CCDC28A: variants seen among roughly 807,000 people sequenced by gnomAD.
CCDC28A encodes coiled-coil domain containing 28A, also known as coiled-coil domain-containing protein 28A.
Under a neutral mutation model 22.1 loss-of-function variants are expected in CCDC28A, and 24 were observed. That is an observed-to-expected ratio of 1.09 (90% confidence interval 0.79 to 1.53). CCDC28A has a LOEUF of 1.53. Among genes scored for constraint, CCDC28A ranks in the 40% most tolerant of loss-of-function variants. CCDC28A has a pLI of 0.00. For synonymous variants in CCDC28A, 83 were observed against 74.7 expected (o/e 1.11, Z -0.57); for missense variants, 170 against 210.7 (o/e 0.81, Z 1.20).
At chr6:138,780,815 G>C (rs533244409) in intron 3 of CCDC28A, among the ~76,000 whole-genome samples, 1 of 152,108 alleles carries the variant, frequency 6.6e-6, no homozygotes, top group Admixed American at 6.5e-5. Flanking sequence ...CTTGTGATCT[G>C]CCCGCCTCGG....
At chr6:138,774,597 G>A (rs1337088697) in intron 1 of CCDC28A, among the ~76,000 whole-genome samples, 3 of 152,232 alleles carry the variant, frequency 2.0e-5, no homozygotes, top group African/African-American at 7.2e-5. Context: ...TTCTTTGGCA[G>A]TATTGTAGCT....
intron 1 of CCDC28A, among the ~76,000 whole-genome samples, chr6:138,775,730 C>G (rs1057294194): frequency 1.3e-5 from 2 of 152,140 alleles, no homozygotes; most frequent in African/African-American, 4.8e-5. Flanking sequence ...ATATGTTGTT[C>G]CCCTTGTAAA....
In CCDC28A at chr6:138,776,181, G is replaced by A. The variant is rs748870360; in HGVS notation, c.61G>A (p.Val21Ile). ...GTCTTTTAGTGCCCACTGTACTCAG[G>A]TTGTCAATGCCAAAAAAAATGCCAT... ...PKSFSAHCTQ[V>I]VNAKKNAIPV... The change falls in exon 2 of 6, where the codon GTT becomes ATT. Residue 21 changes from valine (V) to isoleucine (I), a missense_variant. Transcript: ENST00000617445. The A allele has an allele frequency of 6.2e-7, 1 of 1,613,996 alleles. No individual in the cohort carries two copies. The highest frequency in any genetic ancestry group is 8.5e-7 in the Non-Finnish European group (1 of 1,179,914).
intron 1 of CCDC28A, among the ~76,000 whole-genome samples, chr6:138,774,696 G>A (rs374080952): frequency 1.6e-4 from 24 of 152,260 alleles, no homozygotes; most frequent in Admixed American, 4.6e-4. Context: ...AAAGGAAAAA[G>A]AAAAATTTAT....
rs1774934475 is a variant in CCDC28A at position 138,776,334 on chromosome 6, C to T, written c.158+56C>T. 5.7e-5 allele frequency: 79 copies of T among 1,389,220 alleles called. 1 individual carries two copies. The South Asian group carries it at 8.9e-4, about 16-fold the overall frequency. The allele number at this position is 1,389,220 out of a possible 1,614,324, so 86.1% of individuals were successfully genotyped here. A position where few individuals can be genotyped will look rare whatever the true frequency, so the allele number is the denominator to read the frequency against. On this transcript the variant is annotated intron_variant, in intron 2 of 5. Coordinates refer to ENST00000617445, the MANE Select transcript of CCDC28A (RefSeq NM_015439.3). ...AAAATGCCATTAAAGTAAATCCTGA[C>T]TCAACTTCTTCTTAAACACTTTTTT...
chr6:138,786,552 G>A (rs534798537), intron 4 of CCDC28A, among the ~76,000 whole-genome samples: 33 of 152,138 alleles, frequency 2.2e-4, no homozygotes, highest in Non-Finnish European at 3.8e-4. Flanking sequence ...TCACTATTTC[G>A]AGTCTATAAT....
intron 4 of CCDC28A, 56 bp from the exon 5 acceptor site, chr6:138,788,310 A>G: frequency 1.6e-6 from 1 of 609,666 alleles, no homozygotes; most frequent in South Asian, 3.0e-5. Flanking sequence ...ATAGTTAACA[A>G]CTATTTATAT....
intron 5 of CCDC28A, among the ~76,000 whole-genome samples, chr6:138,792,181 G>A (rs1775180132): frequency 6.6e-6 from 1 of 152,118 alleles, no homozygotes; most frequent in African/African-American, 2.4e-5. Flanking sequence ...CTAGTGTCTT[G>A]TCATGTTTGT....
chr6:138,788,652 C>T (rs1775129432), intron 5 of CCDC28A, among the ~76,000 whole-genome samples: 1 of 146,540 alleles, frequency 6.8e-6, no homozygotes, highest in African/African-American at 2.6e-5. Context: ...CATGGTTCAC[C>T]ACAGTCTCAA....
chr6:138,782,780 G>C (rs1256452435), intron 3 of CCDC28A, among the ~76,000 whole-genome samples: 1 of 152,130 alleles, frequency 6.6e-6, no homozygotes, highest in Non-Finnish European at 1.5e-5. Flanking sequence ...TTCAACATTA[G>C]TAGTCCTTAA....
chr6:138,776,290 TA>T lies in CCDC28A; in HGVS notation c.158+13del. 1.3e-6 allele frequency: 2 copies of T among 1,591,050 alleles called. No individual in the cohort carries two copies. Among genetic ancestry groups the T allele is most frequent in the Non-Finnish European group, 1.7e-6 (2 of 1,158,958 alleles). On this transcript the variant is annotated intron_variant, in intron 2 of 5. Transcript: ENST00000617445. ...CCAAAGTTAAAAAGGTGAATTCTTT[TA>T]TTTTACATGTTCACAGTAAAATGCC...
intron 3 of CCDC28A, among the ~76,000 whole-genome samples, chr6:138,781,404 T>C (rs1021980242): frequency 2.0e-5 from 3 of 152,250 alleles, no homozygotes; most frequent in Non-Finnish European, 4.4e-5. Flanking sequence ...GGCTGGTGCC[T>C]CTATTCTTTT....
chr6:138,789,145 A>G (rs1229817477), intron 5 of CCDC28A, among the ~76,000 whole-genome samples: 1 of 152,196 alleles, frequency 6.6e-6, no homozygotes, highest in Non-Finnish European at 1.5e-5. Context: ...TGACATTTCA[A>G]TTTAGAGCAA....
intron 4 of CCDC28A, among the ~76,000 whole-genome samples, chr6:138,786,059 A>G (rs11155001): frequency 0.24 from 36,562 of 152,130 alleles, 5,438 homozygotes; most frequent in East Asian, 0.6. Context: ...TTATTTTCCC[A>G]CAATTCCGGA....
chr6:138,788,535 C>A, intron 5 of CCDC28A, 147 bp downstream of exon 5: 1 of 325,304 alleles, frequency 3.1e-6, no homozygotes, highest in Non-Finnish European at 6.0e-6. Flanking sequence ...CACTCTTCCT[C>A]TTTGGTTTTC....
rs184173098 is a variant in CCDC28A, at chr6:138,782,122, G to A, written c.322+2137G>A. 8.7e-4 allele frequency among the ~76,000 whole-genome samples: 132 copies of A among 151,928 alleles called. 2 individuals carry two copies. In the South Asian group the frequency reaches 0.024, roughly 28 times the overall value. ...GATGTAATCTTTGGACCACTTCCAC[G>A]TCTTTGCTTTTTCCCAGCACCTTTC... On this transcript the variant is annotated intron_variant, in intron 3 of 5. Transcript: ENST00000617445.
chr6:138,782,444 A>G (rs1416469311), intron 3 of CCDC28A, among the ~76,000 whole-genome samples: 1 of 152,080 alleles, frequency 6.6e-6, no homozygotes, highest in Non-Finnish European at 1.5e-5. Flanking sequence ...CATCTCACGT[A>G]ACATATTTTC....
intron 5 of CCDC28A, among the ~76,000 whole-genome samples, chr6:138,792,529 TAAAA>T (rs35659416): frequency 1.6e-4 from 23 of 143,682 alleles, no homozygotes; most frequent in Non-Finnish European, 2.7e-4. Flanking sequence ...CTCTAAAATT[TAAAA>T]AAAAAAAAGT....
chr6:138,776,158 C>A lies in CCDC28A; in HGVS notation c.38C>A (p.Ser13Tyr). Residue 13 changes from serine (S) to tyrosine (Y), a missense_variant, in exon 2 of 6, where the codon TCT becomes TAT. By Grantham distance (144) the Ser-to-Tyr change is moderately radical. Transcript: ENST00000617445. Reference sequence around the variant, plus strand: ...AAAGTGAAGAGGAGGAGTCCTAAGTCTTTTAGTGCCCACTGTACTCAGGTT... The same window carrying A: ...AAAGTGAAGAGGAGGAGTCCTAAGTATTTTAGTGCCCACTGTACTCAGGTT... Reference protein sequence around the residue: ...ERKVKRRSPKSFSAHCTQVVN... With the variant: ...ERKVKRRSPKYFSAHCTQVVN... 6.2e-7 allele frequency: 1 copy of A among 1,613,864 alleles called. No homozygotes were observed. The highest frequency in any genetic ancestry group is 8.5e-7 in the Non-Finnish European group (1 of 1,179,818).
Sources: gnomAD v4.1 joint callset for allele counts (sites outside exome capture counted in the v4.1 genomes callset) on GRCh38, gnomAD v4.1.1 for gene constraint, MANE v1.5 for transcripts, NCBI Gene and HGNC (gene_info 2026-07-23, HGNC 2026-07-21) for gene names.